Variants in TMEM171 observed in about 807,000 individuals in gnomAD.
TMEM171 encodes transmembrane protein 171.
TMEM171 carries 16 observed loss-of-function variants against 19.1 expected under a neutral mutation model. The observed-to-expected ratio is 0.84, with a 90% confidence interval of 0.57 to 1.27. The LOEUF (loss-of-function observed/expected upper bound fraction) is 1.27. TMEM171 is among the 50% of genes most tolerant of loss of function. The probability of loss-of-function intolerance (pLI) is 0.00; values close to 1 mark genes in which losing one functional copy is unlikely to be tolerated. For missense variants in TMEM171, 429 were observed against 412.7 expected (o/e 1.04, Z -0.34); for synonymous variants, 153 against 163.4 (o/e 0.94, Z 0.48).
intron 2 of TMEM171, among the ~76,000 whole-genome samples, chr5:73,124,975 G>A: frequency 6.6e-6 from 1 of 152,226 alleles, no homozygotes; most frequent in African/African-American, 2.4e-5. Flanking sequence ...AAACCATGGA[G>A]AGGACAGAGA....
intron 2 of TMEM171, 145 bp downstream of exon 2, chr5:73,124,158 C>A: frequency 1.4e-6 from 1 of 703,480 alleles, no homozygotes; most frequent in Non-Finnish European, 2.2e-6. Flanking sequence ...ACACCCCCAT[C>A]ATGTGTACAT....
chr5:73,125,004 A>G (rs1744124283), intron 2 of TMEM171, among the ~76,000 whole-genome samples: 1 of 152,180 alleles, frequency 6.6e-6, no homozygotes, highest in African/African-American at 2.4e-5. Flanking sequence ...GACAAGTGAG[A>G]TGCATCTCCT....
Position 73,131,530 on chromosome 5 carries a change from C to G in TMEM171, c.783-8C>G. 1.3e-6 allele frequency: 2 copies of G among 1,584,178 alleles called. No homozygotes were observed. The highest frequency in any genetic ancestry group is 1.7e-6 in the Non-Finnish European group (2 of 1,167,164). ...CCTCCCCTTCATGTTCTCTCTCCTT[C>G]TCTTTAGCAGGACCCCAACTTCAGA... is the stretch of plus-strand genomic sequence containing the variant. On this transcript the variant is annotated splice_region_variant and splice_polypyrimidine_tract_variant and intron_variant, in intron 3 of 3. Coordinates refer to ENST00000454765, the MANE Select transcript of TMEM171 (RefSeq NM_173490.8).
chr5:73,123,484 C>T lies in TMEM171; in HGVS notation c.111C>T (p.Val37=), dbSNP rs747839899. 6.2e-7 allele frequency: 1 copy of T among 1,614,226 alleles called. No homozygotes were observed. Among genetic ancestry groups the T allele is most frequent in the South Asian group, 1.1e-5 (1 of 91,070 alleles). ...VFGAVLLCVG[V]LLSIFGFQAC... ...GCGCCGTCTTGTTGTGTGTGGGAGT[C>T]CTGCTCTCCATCTTTGGGTTCCAGG... is the stretch of plus-strand genomic sequence containing the variant. Residue 37 remains valine (V), a synonymous_variant, in exon 2 of 4, where the codon GTC becomes GTT. Transcript: ENST00000454765.
At chr5:73,121,301 GAA>G (rs1744002219) in intron 1 of TMEM171, among the ~76,000 whole-genome samples, 1 of 152,156 alleles carries the variant, frequency 6.6e-6, no homozygotes, top group Admixed American at 6.5e-5. Context: ...GGGAATAAAT[GAA>G]TTCCTGATAG....
At chr5:73,130,224 A>C (rs755374781) in intron 3 of TMEM171, among the ~76,000 whole-genome samples, 7 of 151,724 alleles carry the variant, frequency 4.6e-5, no homozygotes, top group Non-Finnish European at 7.4e-5. Context: ...GTTGTTGGAG[A>C]ACCAGAAGGG....
intron 3 of TMEM171, among the ~76,000 whole-genome samples, chr5:73,130,407 T>C (rs953689091): frequency 1.4e-4 from 22 of 152,136 alleles, no homozygotes; most frequent in Non-Finnish European, 2.9e-4. Flanking sequence ...GTGAAGCAGG[T>C]AAGACAATGA....
intron 2 of TMEM171, among the ~76,000 whole-genome samples, chr5:73,127,417 C>T (rs1744203073): frequency 9.9e-6 from 1 of 100,600 alleles, no homozygotes; most frequent in Admixed American, 9.4e-5. Context: ...AAAGCATAAA[C>T]AATTTAAACT....
intron 1 of TMEM171, 69 bp downstream of exon 1, chr5:73,120,765 T>C (rs1743986240): frequency 1.0e-6 from 1 of 982,762 alleles, no homozygotes; most frequent in Non-Finnish European, 1.2e-6. Flanking sequence ...GCGGCCAGGC[T>C]GGGCGCGGGG....
chr5:73,121,360 G>A (rs1342587097), intron 1 of TMEM171, among the ~76,000 whole-genome samples: 2 of 152,016 alleles, frequency 1.3e-5, no homozygotes, highest in African/African-American at 4.8e-5. Flanking sequence ...CTCCGAAACC[G>A]CAAAAGAGAT....
Position 73,120,597 on chromosome 5 carries a change from C to T in TMEM171, c.-168C>T, listed in dbSNP as rs910888730. 10 of 984,912 alleles carry T rather than the reference C, an allele frequency of 1.0e-5. No individual in the cohort carries two copies. The African/African-American group carries it at 1.4e-4, about 14-fold the overall frequency. The allele number at this position is 984,912 out of a possible 1,614,324, so 61.0% of individuals were successfully genotyped here. Reference sequence around the variant, plus strand: ...ACCAGGACGCGCGGTGGGTAGGGTGCAGGGCGGCCGGCGCAGCCGAGGCCG... The same window carrying T: ...ACCAGGACGCGCGGTGGGTAGGGTGTAGGGCGGCCGGCGCAGCCGAGGCCG... On this transcript the variant is annotated 5_prime_UTR_variant, in exon 1 of 4. Coordinates refer to ENST00000454765, the MANE Select transcript of TMEM171 (RefSeq NM_173490.8).
chr5:73,129,124 G>T (rs1464558905), intron 3 of TMEM171, among the ~76,000 whole-genome samples: 8 of 152,180 alleles, frequency 5.3e-5, no homozygotes, highest in Non-Finnish European at 7.4e-5. Flanking sequence ...AGGAAAGAAT[G>T]AAGCAACAAA....
chr5:73,122,747 C>G (rs1212450448), intron 1 of TMEM171, among the ~76,000 whole-genome samples: 1 of 152,246 alleles, frequency 6.6e-6, no homozygotes, highest in Non-Finnish European at 1.5e-5. Flanking sequence ...ACCAAACCCA[C>G]TGTGTTCCTG....
chr5:73,123,856 T>G lies in TMEM171; in HGVS notation c.483T>G (p.Leu161=). 6.2e-7 allele frequency: 1 copy of G among 1,613,928 alleles called. No individual in the cohort carries two copies. Among genetic ancestry groups the G allele is most frequent in the Non-Finnish European group, 8.5e-7 (1 of 1,179,934 alleles). The change falls in exon 2 of 4, where the codon CTT becomes CTG. Residue 161 remains leucine, a synonymous_variant. Transcript: ENST00000454765. The stretch of plus-strand genomic sequence containing the variant: ...CAGAGCCCCGGATGTGTGGGTTCCT[T>G]TCTCTGCAGATCATGGGGCCCTTGA... ...GDSEPRMCGF[L]SLQIMGPLIV... is the part of the protein sequence containing the mutation.
intron 2 of TMEM171, among the ~76,000 whole-genome samples, chr5:73,126,775 C>T (rs971859402): frequency 3.9e-5 from 6 of 152,166 alleles, no homozygotes; most frequent in Admixed American, 1.3e-4. Flanking sequence ...GGAGTGTGAA[C>T]CACTACAGGG....
chr5:73,123,252 G>A, intron 1 of TMEM171, 54 bp from the exon 2 acceptor site: 2 of 1,468,816 alleles, frequency 1.4e-6, no homozygotes, highest in East Asian at 2.3e-5. Flanking sequence ...AAAAACCAGG[G>A]TGGTTCTGGA....
chr5:73,127,025 AC>A (rs1415653633), intron 2 of TMEM171, among the ~76,000 whole-genome samples: 2 of 152,116 alleles, frequency 1.3e-5, no homozygotes, highest in African/African-American at 4.8e-5. Flanking sequence ...AAATGCAAAA[AC>A]CAAACTTCTT....
At chr5:73,127,384 A>AAAAAATATATATATATAT in intron 2 of TMEM171, among the ~76,000 whole-genome samples, 3 of 81,682 alleles carry the variant, frequency 3.7e-5, no homozygotes, top group African/African-American at 2.0e-4. Context: ...AAAAAAAAAA[A>AAAAAATATATATATATAT]ATATATATAT....
At chr5:73,127,725 G>A (rs1487442821) in intron 2 of TMEM171, among the ~76,000 whole-genome samples, 6 of 142,388 alleles carry the variant, frequency 4.2e-5, no homozygotes, top group African/African-American at 2.6e-5. Context: ...GATTACAGGC[G>A]TGAGCCACCA....
Sources: allele counts gnomAD v4.1 joint callset (sites outside exome capture counted in the v4.1 genomes callset), GRCh38; gene constraint gnomAD v4.1.1; transcripts MANE v1.5; gene names NCBI Gene and HGNC (gene_info 2026-07-23, HGNC 2026-07-21).